Variants in DHX33 observed in about 807,000 individuals in gnomAD.
The protein encoded by DHX33 is ATP-dependent RNA helicase DHX33.
DHX33 carries 42 observed loss-of-function variants against 72.5 expected under a neutral mutation model. That is an observed-to-expected ratio of 0.58 (90% confidence interval 0.45 to 0.75). DHX33 has a LOEUF of 0.75. DHX33 is among the 30% of genes least tolerant of loss of function. The pLI is 0.00. For missense variants in DHX33, 842 were observed against 917.5 expected, an observed-to-expected ratio of 0.92 and a Z score of 1.06; for synonymous variants, 358 against 366.1, an observed-to-expected ratio of 0.98 and a Z score of 0.25.
At chr17:5,446,700 G>A (rs1342901180) in intron 11 of DHX33, among the ~76,000 whole-genome samples, 1 of 152,172 alleles carries the variant, frequency 6.6e-6, no homozygotes, top group Non-Finnish European at 1.5e-5. Context: ...CTTAGTTACT[G>A]AGTAGGCATG....
intron 11 of DHX33, among the ~76,000 whole-genome samples, chr17:5,447,635 A>G (rs962736668): frequency 3.3e-5 from 5 of 151,150 alleles, no homozygotes; most frequent in South Asian, 2.1e-4. Context: ...AAAAAAAAAG[A>G]AAGGAAAAAA....
At chr17:5,454,076 A>C (rs1293543265) in intron 6 of DHX33, 96 bp from the exon 7 acceptor site, 2 of 1,424,782 alleles carry the variant, frequency 1.4e-6, no homozygotes. Context: ...TCTTTCAGCA[A>C]CACGGGGGTC....
Position 5,450,375 on chromosome 17 carries a change from G to C in DHX33, c.1556C>G (p.Thr519Arg), listed in dbSNP as rs767738509. Residue 519 changes from threonine (T) to arginine (R), a missense_variant, in exon 10 of 12, where the codon ACA becomes AGA. By Grantham distance (71) the Thr-to-Arg change is moderately conservative. Coordinates refer to ENST00000225296, the MANE Select transcript of DHX33 (RefSeq NM_020162.4). ...GGAGACAATGGTCAGGATCTCCTCT[G>C]TACAGTGGAATTTGGGGGACATGAG... The part of the protein sequence containing the change: ...TILMSPKFHC[T>R]EEILTIVSLL... 6.2e-6 allele frequency: 10 copies of C among 1,614,160 alleles called. No homozygotes were observed. The South Asian group carries it at 8.8e-5, about 14-fold the overall frequency.
chr17:5,463,621 C>T lies in DHX33; in HGVS notation c.358G>A (p.Gly120Ser). 6.2e-7 allele frequency: 1 copy of T among 1,613,984 alleles called. No homozygotes were observed. Among genetic ancestry groups the T allele is most frequent in the Non-Finnish European group, 8.5e-7 (1 of 1,179,980 alleles). ...CGAGGCTGGGTCACAGCAATGATGC[C>T]CTGGCGGCTGATCCCTCCTTCATAC... is the stretch of plus-strand genomic sequence containing the variant. ...YLYEGGISRQ[G>S]IIAVTQPRRV... The change falls in exon 2 of 12, where the codon GGC becomes AGC. Residue 120 changes from glycine (G) to serine (S), a missense_variant. Gly to Ser is a moderately conservative substitution (Grantham distance 56). Coordinates refer to ENST00000225296, the MANE Select transcript of DHX33 (RefSeq NM_020162.4).
chr17:5,467,843 C>G (rs1161823367), intron 1 of DHX33, among the ~76,000 whole-genome samples: 2 of 152,148 alleles, frequency 1.3e-5, no homozygotes, highest in African/African-American at 2.4e-5. Context: ...CGGCCAGGAG[C>G]GCCTCTCAGG....
chr17:5,456,463 GC>G (rs1213360476), intron 4 of DHX33, among the ~76,000 whole-genome samples: 2 of 152,066 alleles, frequency 1.3e-5, no homozygotes, highest in African/African-American at 4.8e-5. Context: ...CCTGGGCAAC[GC>G]AGCAAGATCC....
intron 10 of DHX33, among the ~76,000 whole-genome samples, chr17:5,449,991 T>C (rs1221263903): frequency 1.3e-5 from 2 of 152,196 alleles, no homozygotes; most frequent in East Asian, 1.9e-4. Flanking sequence ...TTAAGTCTTG[T>C]TGACTTAAAC....
In DHX33 at chr17:5,462,206, C is replaced by T. The variant is rs940186266; in HGVS notation, c.678+113G>A. The T allele has an allele frequency of 2.9e-5, 28 of 981,242 alleles. No homozygotes were observed. The African/African-American group carries it at 4.4e-4, about 15-fold the overall frequency. The allele number at this position is 981,242 out of a possible 1,614,324, so 60.8% of individuals were successfully genotyped here. A position where few individuals can be genotyped will look rare whatever the true frequency, so the allele number is the denominator to read the frequency against. On this transcript the variant is annotated intron_variant, in intron 3 of 11. Transcript: ENST00000225296. ...CCACCGGCCTTGGCCTCCCAAAGTG[C>T]TGGGATTACAGGCGTGAGCCACCGC...
At chr17:5,463,790 G>A (rs1904751832) in intron 1 of DHX33, 101 bp from the exon 2 acceptor site, 3 of 1,194,224 alleles carry the variant, frequency 2.5e-6, no homozygotes, top group African/African-American at 1.6e-5. Flanking sequence ...GGAGGCCGAG[G>A]TAGGAGGCTC....
At chr17:5,467,063 T>C (rs1017388052) in intron 1 of DHX33, among the ~76,000 whole-genome samples, 2 of 152,166 alleles carry the variant, frequency 1.3e-5, no homozygotes, top group African/African-American at 4.8e-5. Flanking sequence ...CAATCGGGCC[T>C]AGTAAAAAGC....
chr17:5,451,938 G>A (rs2151685315), intron 8 of DHX33, among the ~76,000 whole-genome samples: 1 of 152,214 alleles, frequency 6.6e-6, no homozygotes, highest in East Asian at 1.9e-4. Context: ...GCTTACTCAA[G>A]AATAACTAAC....
At chr17:5,445,692 T>C (rs1916632150) in intron 11 of DHX33, among the ~76,000 whole-genome samples, 1 of 152,194 alleles carries the variant, frequency 6.6e-6, no homozygotes, top group Admixed American at 6.5e-5. Flanking sequence ...CAATCTCTGC[T>C]GGGCTCTTGA....
chr17:5,463,731 C>A, intron 1 of DHX33, 42 bp from the exon 2 acceptor site: 1 of 1,544,408 alleles, frequency 6.5e-7, no homozygotes, highest in Non-Finnish European at 8.7e-7. Flanking sequence ...CACTGAAATG[C>A]AAACTGGGGC....
intron 4 of DHX33, among the ~76,000 whole-genome samples, chr17:5,459,793 C>T (rs1321360251): frequency 6.6e-6 from 1 of 151,958 alleles, no homozygotes; most frequent in African/African-American, 2.4e-5. Flanking sequence ...AGACACAGTA[C>T]TTCTTCTTTA....
At chr17:5,458,211 C>T (rs1904415399) in intron 4 of DHX33, among the ~76,000 whole-genome samples, 1 of 152,002 alleles carries the variant, frequency 6.6e-6, no homozygotes, top group South Asian at 2.1e-4. Context: ...CACAAAGGCC[C>T]AGGAGAGCCA....
At position 5,442,430 on chromosome 17, in the gene DHX33, G is replaced by C. The variant is rs989690162; in HGVS notation, c.*1775C>G. 1 of 152,090 alleles carries C rather than the reference G, an allele frequency of 6.6e-6. No individual in the cohort carries two copies. Among genetic ancestry groups the C allele is most frequent in the Non-Finnish European group, 1.5e-5 (1 of 68,024 alleles). 9.4% of individuals were successfully genotyped at this position (152,090 alleles called of 1,614,324 possible). A position where few individuals can be genotyped will look rare whatever the true frequency, so the allele number is the denominator to read the frequency against. On this transcript the variant is annotated 3_prime_UTR_variant, in exon 12 of 12. Transcript: ENST00000225296. ...AACAAGTCAGTAAGTGGAAGAACTG[G>C]TTCAAAGTTTAAGAATTCAGTAAGA...
Position 5,443,433 on chromosome 17 carries a change from C to T in DHX33, c.*772G>A, listed in dbSNP as rs1226296371. ...GTGACAGGATTCAGAAGGTACAAAT[C>T]AACCTTCACCCAGGAAGCTTACATG... On this transcript the variant is annotated 3_prime_UTR_variant, in exon 12 of 12. Coordinates refer to ENST00000225296, the MANE Select transcript of DHX33 (RefSeq NM_020162.4). 1 of 152,168 alleles carries T rather than the reference C, an allele frequency of 6.6e-6. No homozygotes were observed. Among genetic ancestry groups the T allele is most frequent in the Non-Finnish European group, 1.5e-5 (1 of 68,068 alleles). 9.4% of individuals were successfully genotyped at this position (152,168 alleles called of 1,614,324 possible).
In DHX33 at chr17:5,453,828, T is replaced by A; in HGVS notation, c.1300A>T (p.Ile434Phe). The A allele has an allele frequency of 6.2e-7, 1 of 1,613,984 alleles. No individual in the cohort carries two copies. Among genetic ancestry groups the A allele is most frequent in the African/African-American group, 1.3e-5 (1 of 75,036 alleles). ...GGAGCAACTGGTGCCTACCTCTGGATCTCTGGCACGGTCATCTTATCAAAC... is the reference window on the plus strand; with the variant it reads ...GGAGCAACTGGTGCCTACCTCTGGAACTCTGGCACGGTCATCTTATCAAAC... Reference protein sequence around the residue: ...EKFDKMTVPEIQRCNLASVML... With the variant: ...EKFDKMTVPEFQRCNLASVML... The change falls in exon 7 of 12, where the codon ATC (isoleucine) becomes TTC (phenylalanine). Residue 434 changes from isoleucine (I) to phenylalanine (F), a missense_variant. Ile to Phe is a conservative substitution (Grantham distance 21). Transcript: ENST00000225296.
chr17:5,441,770 GAA>G lies in DHX33; in HGVS notation c.*2433_*2434del, dbSNP rs1189422547. On this transcript the variant is annotated 3_prime_UTR_variant, in exon 12 of 12. Transcript: ENST00000225296. The stretch of plus-strand genomic sequence containing the variant: ...ACAGGGATAAACTTATTTCTGTACA[GAA>G]ACATTAAAGCTACTTAGAAGCTGTT... The G allele has an allele frequency of 6.6e-6, 1 of 152,120 alleles. No individual in the cohort carries two copies. Among genetic ancestry groups the G allele is most frequent in the Non-Finnish European group, 1.5e-5 (1 of 68,024 alleles). The allele number at this position is 152,120 out of a possible 1,614,324, so 9.4% of individuals were successfully genotyped here. A position where few individuals can be genotyped will look rare whatever the true frequency, so the allele number is the denominator to read the frequency against.
Sources: gnomAD v4.1 joint callset for allele counts (sites outside exome capture counted in the v4.1 genomes callset) on GRCh38, gnomAD v4.1.1 for gene constraint, MANE v1.5 for transcripts, NCBI Gene and HGNC (gene_info 2026-07-23, HGNC 2026-07-21) for gene names.